Variants in ARNT2 observed in about 807,000 individuals in gnomAD.
The protein encoded by ARNT2 is ARNT protein 2.
Under a neutral mutation model 91.7 loss-of-function variants are expected in ARNT2, and 36 were observed. That is an observed-to-expected ratio of 0.39 (90% confidence interval 0.30 to 0.52). The LOEUF (loss-of-function observed/expected upper bound fraction) is 0.52, where lower values mean the gene tolerates loss of function less well. ARNT2 is among the 20% of genes least tolerant of loss of function. The pLI is 0.72. For synonymous variants in ARNT2, 365 were observed against 347.1 expected (o/e 1.05, Z -0.57); for missense variants, 775 against 939.3 (o/e 0.83, Z 2.29).
At position 80,437,922 on chromosome 15, in the gene ARNT2, T is replaced by TACACACACACACACAC. The variant is rs58142108; in HGVS notation, c.32-12934_32-12919dup. The stretch of plus-strand genomic sequence containing the variant: ...TGTTCCTTTTTAAAATGTATTTACC[T>TACACACACACACACAC]ACACACACACACACACACACACACA... On this transcript the variant is annotated intron_variant, in intron 1 of 18. Transcript: ENST00000303329. Among the ~76,000 whole-genome samples, 189 of 141,652 alleles carry TACACACACACACACAC rather than the reference T, an allele frequency of 1.3e-3. 1 individual carries two copies. The highest frequency in any genetic ancestry group is 4.4e-3 in the Admixed American group (62 of 14,082). 92.9% of individuals were successfully genotyped at this position (141,652 alleles called of 152,430 possible).
chr15:80,568,829 G>T (rs542653180), intron 12 of ARNT2, among the ~76,000 whole-genome samples: 1 of 152,156 alleles, frequency 6.6e-6, no homozygotes, highest in African/African-American at 2.4e-5. Context: ...GGCCTTTGCC[G>T]TCTCACAAGT....
chr15:80,529,751 C>T (rs1212702597), intron 8 of ARNT2, among the ~76,000 whole-genome samples: 6 of 152,136 alleles, frequency 3.9e-5, no homozygotes, highest in Non-Finnish European at 8.8e-5. Context: ...GTATTGATTT[C>T]TCAAATCTGC....
At chr15:80,582,888 C>T (rs1487004894) in intron 17 of ARNT2, among the ~76,000 whole-genome samples, 6 of 152,218 alleles carry the variant, frequency 3.9e-5, no homozygotes, top group Admixed American at 3.3e-4. Flanking sequence ...CACGTGAGAT[C>T]CTTCTCCACA....
chr15:80,577,658 A>T (rs1413647314), intron 15 of ARNT2, among the ~76,000 whole-genome samples: 9 of 152,200 alleles, frequency 5.9e-5, no homozygotes, highest in Admixed American at 5.9e-4. Context: ...TTCTCCAGTG[A>T]GGTTGGCCAG....
intron 1 of ARNT2, chr15:80,436,022 A>G (rs1193046577): frequency 1.3e-5 from 2 of 151,744 alleles, no homozygotes; most frequent in Admixed American, 1.3e-4. Context: ...CCCCTCCTTC[A>G]TCCTTCCCCC....
chr15:80,439,343 G>T (rs1419686248), intron 1 of ARNT2, among the ~76,000 whole-genome samples: 2 of 152,176 alleles, frequency 1.3e-5, no homozygotes, highest in African/African-American at 2.4e-5. Context: ...CACAAGTTCA[G>T]GGATGCCAGA....
intron 5 of ARNT2, among the ~76,000 whole-genome samples, chr15:80,491,770 C>A: frequency 7.1e-6 from 1 of 141,470 alleles, no homozygotes; most frequent in South Asian, 2.3e-4. Flanking sequence ...TTCACAAATA[C>A]ATCTCATTTA....
intron 15 of ARNT2, among the ~76,000 whole-genome samples, chr15:80,579,546 G>A (rs1236601164): frequency 6.6e-6 from 1 of 152,054 alleles, no homozygotes; most frequent in African/African-American, 2.4e-5. Context: ...AGCCTTCTGT[G>A]ATGAGCCCCA....
At chr15:80,577,050 C>A in intron 15 of ARNT2, 85 bp downstream of exon 15, 1 of 1,370,358 alleles carries the variant, frequency 7.3e-7, no homozygotes, top group Non-Finnish European at 1.0e-6. Context: ...GCTCTGTGGG[C>A]TGTAAGCATG....
intron 8 of ARNT2, among the ~76,000 whole-genome samples, chr15:80,530,283 C>T (rs1897714753): frequency 6.6e-6 from 1 of 152,162 alleles, no homozygotes; most frequent in African/African-American, 2.4e-5. Context: ...TACATGAGGA[C>T]CAAGGCTGAC....
chr15:80,467,792 C>G (rs903836099), intron 3 of ARNT2, among the ~76,000 whole-genome samples: 1 of 152,122 alleles, frequency 6.6e-6, no homozygotes, highest in Non-Finnish European at 1.5e-5. Flanking sequence ...CTTGCTGCAC[C>G]TTGGTTGTCT....
intron 5 of ARNT2, among the ~76,000 whole-genome samples, chr15:80,501,949 C>G (rs933525692): frequency 1.3e-5 from 2 of 152,168 alleles, no homozygotes; most frequent in Non-Finnish European, 2.9e-5. Flanking sequence ...TAATGGGTCT[C>G]CTTTGTACAT....
intron 1 of ARNT2, among the ~76,000 whole-genome samples, chr15:80,430,566 C>T (rs1171746344): frequency 6.6e-6 from 1 of 152,232 alleles, no homozygotes; most frequent in Non-Finnish European, 1.5e-5. Flanking sequence ...ACTGTCCAGT[C>T]TCAACGGGAG....
Position 80,404,571 on chromosome 15 carries a change from G to C in ARNT2, c.31+25G>C. 9.2e-7 allele frequency: 1 copy of C among 1,081,740 alleles called. No individual in the cohort carries two copies. The highest frequency in any genetic ancestry group is 1.1e-6 in the Non-Finnish European group (1 of 889,578). The allele number at this position is 1,081,740 out of a possible 1,614,324, so 67.0% of individuals were successfully genotyped here. On this transcript the variant is annotated intron_variant, in intron 1 of 18. Coordinates refer to ENST00000303329, the MANE Select transcript of ARNT2 (RefSeq NM_014862.4). This position sits in a 1 kb window ranked among gnomAD's most constrained non-coding sequence, Gnocchi z 5.5. ...GGTGAGTAGCGGCCTGGGCCCCGCC[G>C]CCCGCCGCAGCCCGCAGGCCTTGCC...
intron 8 of ARNT2, among the ~76,000 whole-genome samples, chr15:80,546,191 T>C (rs1489131559): frequency 6.6e-6 from 1 of 152,174 alleles, no homozygotes; most frequent in African/African-American, 2.4e-5. Context: ...GTTAGTACAA[T>C]GATTCTGTGA....
At chr15:80,464,065 G>C (rs1220910042) in intron 3 of ARNT2, among the ~76,000 whole-genome samples, 1 of 152,196 alleles carries the variant, frequency 6.6e-6, no homozygotes, top group Admixed American at 6.5e-5. Flanking sequence ...GGGATCATAA[G>C]CAGTCCTGAG....
intron 11 of ARNT2, among the ~76,000 whole-genome samples, chr15:80,559,748 C>G (rs1295656139): frequency 6.6e-6 from 1 of 152,184 alleles, no homozygotes; most frequent in Non-Finnish European, 1.5e-5. Flanking sequence ...AGCCTCCCAT[C>G]TCCCCCGTCT....
intron 5 of ARNT2, among the ~76,000 whole-genome samples, chr15:80,484,756 CCTCCCTGCACACAGTGAG>C (rs1896941603): frequency 6.6e-6 from 1 of 152,174 alleles, no homozygotes; most frequent in Admixed American, 6.5e-5. Context: ...GGAAGGCTGG[CCTCCCTGCACACAGTGAG>C]CTCCACCAGC....
intron 5 of ARNT2, among the ~76,000 whole-genome samples, chr15:80,491,981 T>C (rs898496042): frequency 2.6e-5 from 4 of 152,116 alleles, no homozygotes; most frequent in Middle Eastern, 3.2e-3. Flanking sequence ...TCTACACAGG[T>C]GTACGTCTAT....
Sources: gnomAD v4.1 joint callset for allele counts (sites outside exome capture counted in the v4.1 genomes callset) on GRCh38, gnomAD v4.1.1 for gene constraint, Gnocchi (gnomAD v3.1) non-coding constraint, MANE v1.5 for transcripts, NCBI Gene and HGNC (gene_info 2026-07-23, HGNC 2026-07-21) for gene names.